Variants in WDFY1 observed in about 807,000 individuals in gnomAD.
WDFY1 encodes the protein WD repeat and FYVE domain containing 1.
WDFY1 carries 32 observed loss-of-function variants against 56.4 expected under a neutral mutation model. The observed-to-expected ratio is 0.57, with a 90% CI of 0.43 to 0.76. The LOEUF is 0.76. WDFY1 is among the 30% of genes least tolerant of loss of function. The pLI is 0.00. For synonymous variants in WDFY1, 192 were observed against 197.3 expected, an observed-to-expected ratio of 0.97 and a Z score of 0.23; for missense variants, 480 against 545.7, an observed-to-expected ratio of 0.88 and a Z score of 1.20.
rs1692984650 is a variant in WDFY1 at position 223,877,097 on chromosome 2, CA to C, written c.*1573del. Reference sequence around the variant, plus strand: ...TCTGAAGACAAGTCTATGTTTAATGCAGATCATTCCAGTACATGATGTGCGT... The same window carrying C: ...TCTGAAGACAAGTCTATGTTTAATGCGATCATTCCAGTACATGATGTGCGT... On this transcript the variant is annotated 3_prime_UTR_variant, in exon 12 of 12. Transcript: ENST00000233055. The C allele has an allele frequency of 6.6e-6, 1 of 152,186 alleles. No homozygotes were observed. The highest frequency in any genetic ancestry group is 1.5e-5 in the Non-Finnish European group (1 of 68,028). 9.4% of individuals were successfully genotyped at this position (152,186 alleles called of 1,614,324 possible).
chr2:223,941,238 T>C (rs1251207469), intron 1 of WDFY1, among the ~76,000 whole-genome samples: 1 of 152,024 alleles, frequency 6.6e-6, no homozygotes, highest in African/African-American at 2.4e-5. Context: ...ATTACAGTCG[T>C]GAGCCACCGC....
At chr2:223,879,683 G>C (rs777854946) in intron 11 of WDFY1, among the ~76,000 whole-genome samples, 5 of 152,040 alleles carry the variant, frequency 3.3e-5, no homozygotes, top group Non-Finnish European at 7.4e-5. Context: ...GTGGTACTAA[G>C]TATAAAACAC....
rs1374884241 is a variant in WDFY1, at chr2:223,881,933, A to C, written c.1064+9T>G. 3 of 1,613,092 alleles carry C rather than the reference A, an allele frequency of 1.9e-6. No homozygotes were observed. Among genetic ancestry groups the C allele is most frequent in the African/African-American group, 1.3e-5 (1 of 75,032 alleles). On this transcript the variant is annotated intron_variant, in intron 10 of 11. Coordinates refer to ENST00000233055, the MANE Select transcript of WDFY1 (RefSeq NM_020830.5). ...AGAGGCAATGAGACAAAAATATGCA[A>C]ACACTCACTCTTCATCTTTGATGGA...
chr2:223,893,342 C>A (rs1250792799), intron 8 of WDFY1, among the ~76,000 whole-genome samples: 1 of 150,534 alleles, frequency 6.6e-6, no homozygotes. Flanking sequence ...TACAGCAAGA[C>A]CCTGTCTCTA....
chr2:223,898,966 C>A lies in WDFY1; in HGVS notation c.590G>T (p.Gly197Val). Residue 197 changes from glycine (G) to valine (V), a missense_variant, in exon 6 of 12, where the codon GGA becomes GTA. Transcript: ENST00000233055. ...GTGATAATATAGCCTACCTTCATGT[C>A]CTTTGAGGGTTGTGATGACTGAACA... ...NTCSVITTLK[G>V]HEGSVACLWW... 6.2e-7 allele frequency: 1 copy of A among 1,613,932 alleles called. No homozygotes were observed. The highest frequency in any genetic ancestry group is 1.7e-4 in the Middle Eastern group (1 of 6,058).
chr2:223,943,888 C>G (rs905641425), intron 1 of WDFY1, among the ~76,000 whole-genome samples: 3 of 152,222 alleles, frequency 2.0e-5, no homozygotes, highest in Admixed American at 6.5e-5. Flanking sequence ...AATGAGAAAA[C>G]TGGACCCAAT....
intron 8 of WDFY1, among the ~76,000 whole-genome samples, chr2:223,893,093 A>G (rs979624188): frequency 4.6e-5 from 7 of 152,236 alleles, no homozygotes; most frequent in African/African-American, 1.7e-4. Context: ...GACGACATCT[A>G]TAAAAAGCCT....
intron 1 of WDFY1, among the ~76,000 whole-genome samples, chr2:223,935,713 A>G (rs2106103493): frequency 1.3e-5 from 2 of 152,334 alleles, no homozygotes; most frequent in Middle Eastern, 3.4e-3. Flanking sequence ...ACACAAAGCA[A>G]CAGGAACTAA....
intron 1 of WDFY1, among the ~76,000 whole-genome samples, chr2:223,936,427 C>G (rs531734686): frequency 1.3e-5 from 2 of 152,206 alleles, no homozygotes; most frequent in African/African-American, 4.8e-5. Flanking sequence ...AGGAAAAAGA[C>G]ACAATAAAAG....
chr2:223,905,593 TACAC>T lies in WDFY1; in HGVS notation c.334+350_334+353del, dbSNP rs755855995. On this transcript the variant is annotated intron_variant, in intron 4 of 11. Transcript: ENST00000233055. ...CACACACGTGTATATACTTATTCAATACACACACACAATGTGTATACACATATCA... is the reference window on the plus strand; with the variant it reads ...CACACACGTGTATATACTTATTCAATACACACAATGTGTATACACATATCA... 1.2e-3 allele frequency among the ~76,000 whole-genome samples: 181 copies of T among 152,136 alleles called. 2 individuals carry two copies. The highest frequency in any genetic ancestry group is 6.8e-3 in the Middle Eastern group (2 of 294).
At chr2:223,932,279 C>G (rs1055384189) in intron 1 of WDFY1, among the ~76,000 whole-genome samples, 2 of 151,940 alleles carry the variant, frequency 1.3e-5, no homozygotes, top group African/African-American at 2.4e-5. Flanking sequence ...CCTGCCACCA[C>G]GCCTGGCTAA....
At chr2:223,943,020 A>C (rs1285146065) in intron 1 of WDFY1, among the ~76,000 whole-genome samples, 2 of 150,740 alleles carry the variant, frequency 1.3e-5, no homozygotes, top group African/African-American at 2.4e-5. Flanking sequence ...GTCTCTACTA[A>C]AAATAGAAAA....
chr2:223,943,184 T>TA (rs11311599), intron 1 of WDFY1, among the ~76,000 whole-genome samples: 1,681 of 137,178 alleles, frequency 0.012, 26 homozygotes, highest in African/African-American at 0.035. Flanking sequence ...GCCTCCATCT[T>TA]AAAAAAAAAA....
chr2:223,885,195 G>T (rs1055879857), intron 8 of WDFY1, among the ~76,000 whole-genome samples: 2 of 151,302 alleles, frequency 1.3e-5, no homozygotes, highest in South Asian at 2.1e-4. Flanking sequence ...TGTGTGTGGG[G>T]GGGGGTCTTT....
intron 11 of WDFY1, among the ~76,000 whole-genome samples, chr2:223,879,288 G>A (rs902908179): frequency 6.6e-6 from 1 of 152,132 alleles, no homozygotes; most frequent in Non-Finnish European, 1.5e-5. Context: ...TCATAATAAT[G>A]TTTTAGTATA....
chr2:223,897,375 TA>T (rs61334997), intron 6 of WDFY1, among the ~76,000 whole-genome samples: 1,923 of 19,294 alleles, frequency 0.1, 96 homozygotes, highest in African/African-American at 0.16. Flanking sequence ...TATATATATA[TA>T]TATATATATA....
In WDFY1 at chr2:223,942,527, C is replaced by CTTTTTTTTTTTTTT. The variant is rs57223015; in HGVS notation, c.137+2607_137+2620dup. 2.9e-3 allele frequency among the ~76,000 whole-genome samples: 213 copies of CTTTTTTTTTTTTTT among 74,178 alleles called. 13 individuals carry two copies. Among genetic ancestry groups the CTTTTTTTTTTTTTT allele is most frequent in the African/African-American group, 0.01 (166 of 16,142 alleles). 48.7% of individuals were successfully genotyped at this position (74,178 alleles called of 152,430 possible). On this transcript the variant is annotated intron_variant, in intron 1 of 11. Transcript: ENST00000233055. ...GCCACTGCGCCTGGCCAAAGGCTAA[C>CTTTTTTTTTTTTTT]TTTTTTTTTTTTTTTTTTTGAGACG...
intron 1 of WDFY1, among the ~76,000 whole-genome samples, chr2:223,943,787 G>T (rs1689353678): frequency 6.6e-6 from 1 of 152,308 alleles, no homozygotes; most frequent in South Asian, 2.1e-4. Context: ...AGAGCTGGTG[G>T]GAGTTCTGGA....
chr2:223,882,137 CAG>C (rs1693084094), intron 9 of WDFY1, 65 bp from the exon 10 acceptor site: 3 of 1,552,396 alleles, frequency 1.9e-6, no homozygotes, highest in Non-Finnish European at 2.6e-6. Context: ...TGTTTTGAGA[CAG>C]AGTCTCACTC....
Sources: allele counts gnomAD v4.1 joint callset (sites outside exome capture counted in the v4.1 genomes callset), GRCh38; gene constraint gnomAD v4.1.1; transcripts MANE v1.5; gene names NCBI Gene and HGNC (gene_info 2026-07-23, HGNC 2026-07-21).